The following HTR3B variants were observed in gnomAD, a reference collection of about 807,000 sequenced individuals.
HTR3B encodes 5-hydroxytryptamine (serotonin) receptor 3B, ionotropic.
HTR3B carries 44 observed loss-of-function variants against 42.8 expected under a neutral mutation model. That is an observed-to-expected ratio of 1.03 (90% CI 0.81 to 1.32). HTR3B has a LOEUF of 1.32. Among genes scored for constraint, HTR3B ranks in the 40% most tolerant of loss-of-function variants. HTR3B has a pLI of 0.00. For missense variants in HTR3B, 527 were observed against 536.5 expected, an observed-to-expected ratio of 0.98 and a Z score of 0.17; for synonymous variants, 203 against 209.0, an observed-to-expected ratio of 0.97 and a Z score of 0.25.
intron 1 of HTR3B, among the ~76,000 whole-genome samples, chr11:113,908,357 A>C (rs1000789554): frequency 1.3e-5 from 2 of 152,192 alleles, no homozygotes; most frequent in Non-Finnish European, 2.9e-5. Context: ...TCATCAAAAT[A>C]ACCATCAAAA....
intron 1 of HTR3B, among the ~76,000 whole-genome samples, chr11:113,907,584 C>T (rs538690002): frequency 2.6e-5 from 4 of 152,218 alleles, no homozygotes; most frequent in African/African-American, 9.6e-5. Context: ...GCTTCCAGAA[C>T]TTTCTCTTTT....
chr11:113,919,830 A>AAACAACAACAAC (rs149081128), intron 2 of HTR3B, among the ~76,000 whole-genome samples: 9 of 148,826 alleles, frequency 6.0e-5, no homozygotes, highest in Non-Finnish European at 1.2e-4. Context: ...CTCCATCTCA[A>AAACAACAACAAC]AACAACAACA....
At position 113,946,146 on chromosome 11, in the gene HTR3B, GTGTT is replaced by G; in HGVS notation, c.*10_*13del. ...TGTGGGGCGGCGTGTGAAGACTGAAGTGTTCTTCAGTAATTGTGCTGGCACTTAG... is the reference window on the plus strand; with the variant it reads ...TGTGGGGCGGCGTGTGAAGACTGAAGCTTCAGTAATTGTGCTGGCACTTAG... On this transcript the variant is annotated 3_prime_UTR_variant, in exon 9 of 9. Coordinates refer to ENST00000260191, the MANE Select transcript of HTR3B (RefSeq NM_006028.5). The G allele has an allele frequency of 1.9e-6, 3 of 1,586,856 alleles. No individual in the cohort carries two copies. The highest frequency in any genetic ancestry group is 2.6e-6 in the Non-Finnish European group (3 of 1,155,952).
chr11:113,916,375 A>T lies in HTR3B; in HGVS notation c.213+6920A>T, dbSNP rs1949854180. On this transcript the variant is annotated intron_variant, in intron 2 of 8. Transcript: ENST00000260191. ...AGAGTTATTTATATACTCTGAGCTT[A>T]TTTCTTGACTCTGTTCTATTCAACT... 2.0e-5 allele frequency among the ~76,000 whole-genome samples: 3 copies of T among 152,200 alleles called. No homozygotes were observed. In the South Asian group the frequency reaches 6.2e-4, roughly 32 times the overall value.
At chr11:113,914,457 T>A (rs1291280753) in intron 2 of HTR3B, among the ~76,000 whole-genome samples, 4 of 148,840 alleles carry the variant, frequency 2.7e-5, no homozygotes, top group Non-Finnish European at 5.9e-5. Flanking sequence ...AGAGCGATAC[T>A]CCAACTCAAA....
chr11:113,936,528 A>G (rs186561736), intron 6 of HTR3B, among the ~76,000 whole-genome samples: 23 of 152,240 alleles, frequency 1.5e-4, no homozygotes, highest in Admixed American at 1.3e-3. Context: ...AGATCCCTCT[A>G]AGTGCTAGCA....
At chr11:113,909,238 C>T in intron 1 of HTR3B, 57 bp from the exon 2 acceptor site, 1 of 1,410,960 alleles carries the variant, frequency 7.1e-7, no homozygotes, top group East Asian at 2.3e-5. Context: ...TCTGAAACCT[C>T]CTAAAGAAAC....
At chr11:113,922,746 G>C (rs1182397454) in intron 2 of HTR3B, among the ~76,000 whole-genome samples, 1 of 151,744 alleles carries the variant, frequency 6.6e-6, no homozygotes, top group Non-Finnish European at 1.5e-5. Context: ...TAGTAGAGAC[G>C]GGGTTTCACC....
At chr11:113,939,809 A>T (rs1213374465) in intron 6 of HTR3B, among the ~76,000 whole-genome samples, 1 of 151,266 alleles carries the variant, frequency 6.6e-6, no homozygotes, top group Non-Finnish European at 1.5e-5. Context: ...GGAGGAGTTG[A>T]CTCCATCATC....
At chr11:113,920,654 A>T (rs1211715166) in intron 2 of HTR3B, among the ~76,000 whole-genome samples, 3 of 152,006 alleles carry the variant, frequency 2.0e-5, no homozygotes, top group Admixed American at 6.6e-5. Context: ...GATTACAGGC[A>T]TGAGCTACTG....
chr11:113,940,337 C>A (rs1182022264), intron 6 of HTR3B, among the ~76,000 whole-genome samples: 1 of 152,166 alleles, frequency 6.6e-6, no homozygotes, highest in Admixed American at 6.5e-5. Flanking sequence ...GGGGTGGTCA[C>A]CCCGTCACCC....
intron 1 of HTR3B, among the ~76,000 whole-genome samples, chr11:113,905,503 G>GTA (rs1949727846): frequency 6.6e-6 from 1 of 152,156 alleles, no homozygotes; most frequent in Non-Finnish European, 1.5e-5. Flanking sequence ...TAGGTGATGA[G>GTA]TATATCTCTA....
At chr11:113,922,782 C>A (rs1383802680) in intron 2 of HTR3B, among the ~76,000 whole-genome samples, 1 of 151,622 alleles carries the variant, frequency 6.6e-6, no homozygotes, top group South Asian at 2.1e-4. Flanking sequence ...GTCTCAATCT[C>A]CTCACCTCGT....
chr11:113,943,061 G>A lies in HTR3B; in HGVS notation c.776G>A (p.Gly259Glu). 1 of 1,614,048 alleles carries A rather than the reference G, an allele frequency of 6.2e-7. No individual in the cohort carries two copies. Among genetic ancestry groups the A allele is most frequent in the Non-Finnish European group, 8.5e-7 (1 of 1,180,012 alleles). The change falls in exon 7 of 9, where the codon GGG becomes GAG. Residue 259 changes from glycine to glutamate, a missense_variant. Gly to Glu is a moderately conservative substitution (Grantham distance 98). Transcript: ENST00000260191. Reference protein sequence around the residue: ...PSIFLMLVDLGSFYLPPNCRA... With the variant: ...PSIFLMLVDLESFYLPPNCRA... ...ATCTTTCTCATGCTGGTGGACCTGGGGAGCTTCTACCTGCCACCCAACTGC... is the reference window on the plus strand; with the variant it reads ...ATCTTTCTCATGCTGGTGGACCTGGAGAGCTTCTACCTGCCACCCAACTGC...
intron 6 of HTR3B, among the ~76,000 whole-genome samples, chr11:113,940,968 A>G (rs1320771371): frequency 6.6e-6 from 1 of 152,218 alleles, no homozygotes; most frequent in Non-Finnish European, 1.5e-5. Context: ...GAATCGGAAG[A>G]TGTGGGGGCA....
At chr11:113,943,637 CTTTG>C (rs1314900730) in intron 7 of HTR3B, among the ~76,000 whole-genome samples, 6 of 151,856 alleles carry the variant, frequency 4.0e-5, no homozygotes, top group Non-Finnish European at 7.4e-5. Context: ...TGCCTGGCCG[CTTTG>C]TTTGTTTTTA....
chr11:113,946,229 G>C lies in HTR3B; in HGVS notation c.*92G>C, dbSNP rs780119535. ...TTAAAAAGCTTTCTGGGTCGGGTGT[G>C]GTGGTTCTTGCCTATAGTCCCAGTG... On this transcript the variant is annotated 3_prime_UTR_variant, in exon 9 of 9. Coordinates refer to ENST00000260191, the MANE Select transcript of HTR3B (RefSeq NM_006028.5). 2.0e-6 allele frequency: 2 copies of C among 992,590 alleles called. No individual in the cohort carries two copies. The highest frequency in any genetic ancestry group is 3.9e-5 in the Admixed American group (2 of 51,046). 61.5% of individuals were successfully genotyped at this position (992,590 alleles called of 1,614,324 possible).
chr11:113,901,003 G>A (rs552189819), upstream of HTR3B, among the ~76,000 whole-genome samples: 118 of 152,140 alleles, frequency 7.8e-4, 1 homozygote, highest in East Asian at 1.9e-3. Context: ...TGACACATGC[G>A]GATTGAAATT....
intron 2 of HTR3B, among the ~76,000 whole-genome samples, chr11:113,912,115 A>G (rs1046759625): frequency 1.3e-5 from 2 of 152,174 alleles, no homozygotes; most frequent in Non-Finnish European, 1.5e-5. Context: ...TTATGGCTAT[A>G]TCATGATTTG....
Sources: allele counts gnomAD v4.1 joint callset (sites outside exome capture counted in the v4.1 genomes callset), GRCh38; gene constraint gnomAD v4.1.1; transcripts MANE v1.5; gene names NCBI Gene and HGNC (gene_info 2026-07-23, HGNC 2026-07-21).